Variants in BTAF1 observed in about 807,000 individuals in gnomAD.
The protein encoded by BTAF1 is TATA-binding protein-associated factor 172.
A neutral mutation model predicts 227.1 loss-of-function variants in BTAF1; 38 were observed. The ratio of observed to expected loss-of-function variants is 0.17; its 90% confidence interval spans 0.13 to 0.22. The LOEUF (loss-of-function observed/expected upper bound fraction) is 0.22. BTAF1 is among the 10% of genes least tolerant of loss of function. BTAF1 has a pLI of 1.00. For synonymous variants in BTAF1, 742 were observed against 751.9 expected (o/e 0.99, Z 0.21); for missense variants, 1,598 against 2,204.0 (o/e 0.73, Z 5.51).
intron 14 of BTAF1, among the ~76,000 whole-genome samples, chr10:91,976,804 C>T (rs1012551449): frequency 3.3e-5 from 5 of 152,098 alleles, no homozygotes; most frequent in Non-Finnish European, 7.3e-5. Flanking sequence ...GCTATGGGCT[C>T]GAACAATTTT....
At chr10:91,985,871 G>A (rs920255270) in intron 19 of BTAF1, among the ~76,000 whole-genome samples, 2 of 152,106 alleles carry the variant, frequency 1.3e-5, no homozygotes, top group African/African-American at 4.8e-5. Flanking sequence ...CCTTTGTCAA[G>A]TAGATGCTTT....
chr10:92,026,589 T>C lies in BTAF1; in HGVS notation c.5076-3T>C. 3.1e-6 allele frequency: 5 copies of C among 1,603,500 alleles called. No individual in the cohort carries two copies. Among genetic ancestry groups the C allele is most frequent in the Non-Finnish European group, 4.3e-6 (5 of 1,173,968 alleles). On this transcript the variant is annotated splice_region_variant and splice_polypyrimidine_tract_variant and intron_variant, in intron 35 of 37. Transcript: ENST00000265990. ...TAATTTTATTTTTGTTATCTACTTT[T>C]AGGTTTAATAATGATCCATCTATAG...
In BTAF1 at chr10:91,982,400, T is replaced by C. The variant is rs1848129046; in HGVS notation, c.2048+175T>C. The C allele has an allele frequency of 4.8e-6, 5 of 1,038,924 alleles. No individual in the cohort carries two copies. The Admixed American group carries it at 1.5e-4, about 30-fold the overall frequency. 64.4% of individuals were successfully genotyped at this position (1,038,924 alleles called of 1,614,324 possible). On this transcript the variant is annotated intron_variant, in intron 17 of 37. Transcript: ENST00000265990. ...AAATACTTCTAATTATTTTAAAGCTTTAAAATAGGATTTATATCTTCTTAT... is the reference window on the plus strand; with the variant it reads ...AAATACTTCTAATTATTTTAAAGCTCTAAAATAGGATTTATATCTTCTTAT...
intron 14 of BTAF1, among the ~76,000 whole-genome samples, chr10:91,974,081 A>G (rs986227176): frequency 6.6e-6 from 1 of 152,170 alleles, no homozygotes; most frequent in African/African-American, 2.4e-5. Context: ...AAGTGAGAAA[A>G]GGAAACTCAC....
At chr10:91,987,771 A>AT (rs1848503791) in intron 19 of BTAF1, among the ~76,000 whole-genome samples, 2 of 151,618 alleles carry the variant, frequency 1.3e-5, no homozygotes, top group Admixed American at 1.3e-4. Context: ...TCTCCTCATT[A>AT]TTTCTCAAAC....
intron 18 of BTAF1, 85 bp downstream of exon 18, chr10:91,982,846 G>T: frequency 7.6e-7 from 1 of 1,315,898 alleles, no homozygotes; most frequent in Non-Finnish European, 1.0e-6. Context: ...ACAGAAAAGT[G>T]AAAATTTTCG....
chr10:91,958,989 A>G, intron 8 of BTAF1, 76 bp from the exon 9 acceptor site: 1 of 1,325,108 alleles, frequency 7.5e-7, no homozygotes, highest in Non-Finnish European at 1.1e-6. Context: ...CAGTATCCCT[A>G]TTTCGTATAG....
rs567933077 is a variant in BTAF1 at position 91,977,570 on chromosome 10, C to T, written c.1651-2884C>T. ...CATCTTGTGCAGATTTTTGTGTGGA[C>T]TTTTTTGCCTCCTTTGGGTAATATC... On this transcript the variant is annotated intron_variant, in intron 14 of 37. Transcript: ENST00000265990. 9.2e-5 allele frequency among the ~76,000 whole-genome samples: 14 copies of T among 152,194 alleles called. No homozygotes were observed. The East Asian group carries it at 2.1e-3, about 23-fold the overall frequency.
intron 33 of BTAF1, 25 bp downstream of exon 33, chr10:92,016,490 T>C: frequency 6.5e-7 from 1 of 1,537,538 alleles, no homozygotes; most frequent in Non-Finnish European, 8.7e-7. Context: ...CTACTTTTTT[T>C]TTTTTTGAGA....
chr10:91,945,274 G>T lies in BTAF1; in HGVS notation c.400+2706G>T, dbSNP rs541075138. On this transcript the variant is annotated intron_variant, in intron 4 of 37. Coordinates refer to ENST00000265990, the MANE Select transcript of BTAF1 (RefSeq NM_003972.3). ...CTAAATTTTATTACTGTTAAGGGAT[G>T]TATCAGGTTTTTTAAATTGTGGTAA... Among the ~76,000 whole-genome samples, 3 of 152,028 alleles carry T rather than the reference G, an allele frequency of 2.0e-5. No homozygotes were observed. In the East Asian group the frequency reaches 5.8e-4, roughly 29 times the overall value.
chr10:91,964,534 CATTT>C (rs1846744172), intron 13 of BTAF1, among the ~76,000 whole-genome samples: 1 of 152,072 alleles, frequency 6.6e-6, no homozygotes, highest in African/African-American at 2.4e-5. Context: ...TATTTAGTAA[CATTT>C]AGTTAACAGA....
rs1214582006 is a variant in BTAF1 at position 92,030,031 on chromosome 10, TAA to T, written c.*1099_*1100del. On this transcript the variant is annotated 3_prime_UTR_variant, in exon 38 of 38. Coordinates refer to ENST00000265990, the MANE Select transcript of BTAF1 (RefSeq NM_003972.3). ...GTATGTGTTTGTATATATAATTTTA[TAA>T]GTTTCACGCATAAATTAATACATGC... The T allele has an allele frequency of 6.6e-6, 1 of 152,514 alleles. No individual in the cohort carries two copies. The highest frequency in any genetic ancestry group is 1.5e-5 in the Non-Finnish European group (1 of 67,942). 9.4% of individuals were successfully genotyped at this position (152,514 alleles called of 1,614,324 possible). A position where few individuals can be genotyped will look rare whatever the true frequency, so the allele number is the denominator to read the frequency against.
At chr10:91,937,952 A>G (rs201287447) in intron 2 of BTAF1, among the ~76,000 whole-genome samples, 1 of 152,172 alleles carries the variant, frequency 6.6e-6, no homozygotes, top group East Asian at 1.9e-4. Flanking sequence ...ACTGACTTTG[A>G]TTATAGCCAT....
Position 91,992,126 on chromosome 10 carries a change from C to T in BTAF1, c.2862C>T (p.Thr954=). Residue 954 remains threonine, a synonymous_variant, in exon 21 of 38, where the codon ACC becomes ACT. Coordinates refer to ENST00000265990, the MANE Select transcript of BTAF1 (RefSeq NM_003972.3). The part of the protein sequence containing the change: ...QSGQENSKGS[T]SEKDGMHHTV... ...TAACTTTTTTCTTATTAGGATCCACCTCAGAAAAAGATGGAATGCACCATA... is the reference window on the plus strand; with the variant it reads ...TAACTTTTTTCTTATTAGGATCCACTTCAGAAAAAGATGGAATGCACCATA... 1.3e-6 allele frequency: 2 copies of T among 1,563,324 alleles called. No homozygotes were observed. The highest frequency in any genetic ancestry group is 1.7e-6 in the Non-Finnish European group (2 of 1,152,770).
At chr10:91,956,860 C>G (rs772938587) in intron 7 of BTAF1, among the ~76,000 whole-genome samples, 9 of 152,010 alleles carry the variant, frequency 5.9e-5, no homozygotes, top group Non-Finnish European at 1.0e-4. Context: ...CGTGGTGGCA[C>G]GTGCCTGTAA....
chr10:91,966,450 C>T (rs1181324735), intron 13 of BTAF1, among the ~76,000 whole-genome samples, 187 bp from the exon 14 acceptor site: 1 of 152,064 alleles, frequency 6.6e-6, no homozygotes, highest in African/African-American at 2.4e-5. Context: ...TCTGTTGCTA[C>T]GATAACAGTT....
chr10:91,972,540 CT>C (rs1847378892), intron 14 of BTAF1, among the ~76,000 whole-genome samples: 1 of 152,158 alleles, frequency 6.6e-6, no homozygotes, highest in Non-Finnish European at 1.5e-5. Context: ...GCAATGAAAA[CT>C]CATTTAATTT....
intron 30 of BTAF1, 83 bp from the exon 31 acceptor site, chr10:92,013,579 TTATAA>T: frequency 6.6e-7 from 1 of 1,509,634 alleles, no homozygotes. Context: ...ATCTATATGA[TTATAA>T]TAATGGGCTT....
chr10:91,994,555 A>C lies in BTAF1; in HGVS notation c.3220A>C (p.Lys1074Gln), dbSNP rs751504087. ...NNFDGKSLLDKGDSPAQELVN... is the reference protein window; with the variant it reads ...NNFDGKSLLDQGDSPAQELVN... ...AACAGATGGAAAATCCCTCCTGGAT[A>C]AGGGAGATAGCCCTGCTCAAGAATT... Residue 1074 changes from lysine (K) to glutamine (Q), a missense_variant, in exon 23 of 38, where the codon AAG becomes CAG. Transcript: ENST00000265990. 1.9e-6 allele frequency: 3 copies of C among 1,612,990 alleles called. No individual in the cohort carries two copies. The South Asian group carries it at 3.3e-5, about 18-fold the overall frequency.
Sources: allele counts gnomAD v4.1 joint callset (sites outside exome capture counted in the v4.1 genomes callset), GRCh38; gene constraint gnomAD v4.1.1; transcripts MANE v1.5; gene names NCBI Gene and HGNC (gene_info 2026-07-23, HGNC 2026-07-21).